TMEM132D: variants seen among roughly 807,000 people sequenced by gnomAD.
The protein encoded by TMEM132D is transmembrane protein 132D, also known as mature OL transmembrane protein.
In TMEM132D, 21 loss-of-function variants were observed where a neutral mutation model predicts 62.3. That is an observed-to-expected ratio of 0.34 (90% CI 0.24 to 0.49). TMEM132D has a LOEUF of 0.49. TMEM132D is among the 20% of genes least tolerant of loss of function. The pLI is 0.99. For missense variants in TMEM132D, 1,346 were observed against 1,402.8 expected, an observed-to-expected ratio of 0.96 and a Z score of 0.65; for synonymous variants, 621 against 575.6, an observed-to-expected ratio of 1.08 and a Z score of -1.13.
rs959877400 is a variant in TMEM132D, at chr12:129,768,325, T to C, written c.80-67627A>G. On this transcript the variant is annotated intron_variant, in intron 1 of 8. Coordinates refer to ENST00000422113, the MANE Select transcript of TMEM132D (RefSeq NM_133448.3). ...TTCCATAGCAGCTGTAAATTTTACA[T>C]TCCCATCAACATTATGCAAGGTTTC... Among the ~76,000 whole-genome samples the C allele has an allele frequency of 6.6e-5, 10 of 152,128 alleles. 1 individual carries two copies. The highest frequency in any genetic ancestry group is 2.4e-4 in the African/African-American group (10 of 41,454).
chr12:129,711,338 T>C (rs553662210), intron 1 of TMEM132D, among the ~76,000 whole-genome samples: 1 of 152,332 alleles, frequency 6.6e-6, no homozygotes, highest in South Asian at 2.1e-4. Context: ...TAAATATATC[T>C]AGAATCTGAA....
chr12:129,546,182 C>T (rs950557723), intron 2 of TMEM132D, among the ~76,000 whole-genome samples: 2 of 151,640 alleles, frequency 1.3e-5, no homozygotes, highest in Non-Finnish European at 2.9e-5. Flanking sequence ...TGCCCAGGTA[C>T]TCTGCCCTGC....
intron 4 of TMEM132D, among the ~76,000 whole-genome samples, chr12:129,326,197 G>A (rs115280241): frequency 0.025 from 3,877 of 152,254 alleles, 182 homozygotes; most frequent in African/African-American, 0.085. Context: ...TCTGTTCTCC[G>A]TGGAAAATAC....
At position 129,074,277 on chromosome 12, in the gene TMEM132D, C is replaced by T. The variant is rs770985214; in HGVS notation, c.2898G>A (p.Gly966=). Reference sequence around the variant, plus strand: ...CCAACAGCTCTGTCCGGTTGCTTAACCCAACCCAGTCATGAGAGTGACTCA... The same window carrying T: ...CCAACAGCTCTGTCCGGTTGCTTAATCCAACCCAGTCATGAGAGTGACTCA... ...EGMSHSHDWV[G]LSNRTELLEN... The change falls in exon 9 of 9, where the codon GGG becomes GGA. Residue 966 remains glycine, a synonymous_variant. Coordinates refer to ENST00000422113, the MANE Select transcript of TMEM132D (RefSeq NM_133448.3). The T allele has an allele frequency of 1.9e-6, 3 of 1,614,094 alleles. No individual in the cohort carries two copies. The highest frequency in any genetic ancestry group is 1.1e-5 in the South Asian group (1 of 91,078).
intron 1 of TMEM132D, among the ~76,000 whole-genome samples, chr12:129,786,969 G>A (rs1871263411): frequency 6.6e-6 from 1 of 152,050 alleles, no homozygotes; most frequent in Non-Finnish European, 1.5e-5. Context: ...AGCTCCAGGG[G>A]CATCGGAATG....
intron 1 of TMEM132D, among the ~76,000 whole-genome samples, chr12:129,823,368 T>G (rs1394429921): frequency 6.6e-6 from 1 of 152,264 alleles, no homozygotes; most frequent in Non-Finnish European, 1.5e-5. Context: ...AATTCCAGAC[T>G]CCTAGAAGAA....
intron 7 of TMEM132D, among the ~76,000 whole-genome samples, chr12:129,078,934 G>A (rs777935333): frequency 2.0e-5 from 3 of 152,126 alleles, no homozygotes; most frequent in Non-Finnish European, 4.4e-5. Flanking sequence ...AAGCAAGGTG[G>A]TGTCAAGGAG....
intron 3 of TMEM132D, among the ~76,000 whole-genome samples, chr12:129,448,489 T>C (rs905635777): frequency 1.3e-5 from 2 of 152,196 alleles, no homozygotes; most frequent in African/African-American, 4.8e-5. Context: ...TGATTTTCTG[T>C]TCCTGCATTA....
chr12:129,360,609 G>A (rs1170092253), intron 3 of TMEM132D, among the ~76,000 whole-genome samples: 1 of 152,148 alleles, frequency 6.6e-6, no homozygotes, highest in African/African-American at 2.4e-5. Flanking sequence ...CACCCAGCTG[G>A]GGGCTCTGGC....
intron 4 of TMEM132D, among the ~76,000 whole-genome samples, chr12:129,302,943 G>T (rs1881758479): frequency 6.6e-6 from 1 of 152,176 alleles, no homozygotes; most frequent in Non-Finnish European, 1.5e-5. Context: ...CTTGCTGTAA[G>T]GCTCTCAATC....
intron 1 of TMEM132D, among the ~76,000 whole-genome samples, chr12:129,849,048 G>C (rs540892404): frequency 7.1e-6 from 1 of 141,522 alleles, no homozygotes; most frequent in South Asian, 2.2e-4. Flanking sequence ...TGGAGTAGGG[G>C]CTTAGTAATT....
Position 129,527,825 on chromosome 12 carries a change from A to G in TMEM132D, c.1115+3234T>C, listed in dbSNP as rs1001666145. On this transcript the variant is annotated intron_variant, in intron 3 of 8. Coordinates refer to ENST00000422113, the MANE Select transcript of TMEM132D (RefSeq NM_133448.3). ...AGATCTGATAGCTGGGGTAACATTC[A>G]CATGTTCATACTGTTATGATCAGAT... Among the ~76,000 whole-genome samples the G allele has an allele frequency of 7.2e-5, 11 of 152,352 alleles. No individual in the cohort carries two copies. The South Asian group carries it at 1.7e-3, about 23-fold the overall frequency.
At chr12:129,104,899 G>A (rs1446871536) in intron 5 of TMEM132D, among the ~76,000 whole-genome samples, 1 of 146,636 alleles carries the variant, frequency 6.8e-6, no homozygotes, top group African/African-American at 2.7e-5. Context: ...AACAACAGGT[G>A]CTGAAGAGGA....
chr12:129,818,087 G>C, intron 1 of TMEM132D, among the ~76,000 whole-genome samples: 1 of 149,464 alleles, frequency 6.7e-6, no homozygotes, highest in African/African-American at 2.5e-5. Flanking sequence ...TGTGTGGTGT[G>C]GGGTGTGTGC....
chr12:129,340,463 C>T (rs182573508), intron 3 of TMEM132D, among the ~76,000 whole-genome samples: 5 of 152,096 alleles, frequency 3.3e-5, no homozygotes, highest in African/African-American at 7.2e-5. Flanking sequence ...CCCCTTCCCC[C>T]CACCCCACAA....
At chr12:129,748,562 A>T (rs1054937608) in intron 1 of TMEM132D, among the ~76,000 whole-genome samples, 15 of 152,218 alleles carry the variant, frequency 9.9e-5, no homozygotes, top group African/African-American at 3.4e-4. Context: ...TTGAGTTTAA[A>T]GTATCTGGGC....
chr12:129,209,224 C>A (rs1878950942), intron 5 of TMEM132D, among the ~76,000 whole-genome samples: 1 of 152,130 alleles, frequency 6.6e-6, no homozygotes. Context: ...GGGTCCCTGC[C>A]TCCCACGACA....
chr12:129,847,711 G>T (rs73160269), intron 1 of TMEM132D, among the ~76,000 whole-genome samples: 18,945 of 152,068 alleles, frequency 0.12, 1,798 homozygotes, highest in East Asian at 0.52. Flanking sequence ...CGGGACTGAG[G>T]TGACGTTCTG....
In TMEM132D at chr12:129,602,207, C is replaced by T. The variant is rs57694020; in HGVS notation, c.969-71002G>A. ...GAAAAGTAAAAACTGAAAACTAGAC[C>T]GCCTGTATGCAAGTATTATATCCAC... On this transcript the variant is annotated intron_variant, in intron 2 of 8. Transcript: ENST00000422113. Among the ~76,000 whole-genome samples, 576 of 152,198 alleles carry T rather than the reference C, an allele frequency of 3.8e-3. 4 individuals carry two copies. Among genetic ancestry groups the T allele is most frequent in the African/African-American group, 0.013 (557 of 41,542 alleles).
Sources: gnomAD v4.1 joint callset for allele counts (sites outside exome capture counted in the v4.1 genomes callset) on GRCh38, gnomAD v4.1.1 for gene constraint, MANE v1.5 for transcripts, NCBI Gene and HGNC (gene_info 2026-07-23, HGNC 2026-07-21) for gene names.